SNX29: variants seen among roughly 807,000 people sequenced by gnomAD.
The protein encoded by SNX29 is sorting nexin-29.
Under a neutral mutation model 102.1 loss-of-function variants are expected in SNX29, and 78 were observed. The observed-to-expected ratio is 0.76, with a 90% confidence interval of 0.64 to 0.92. SNX29 has a LOEUF of 0.92. SNX29 is among the 40% of genes least tolerant of loss of function. The pLI, the probability that SNX29 is intolerant of heterozygous loss-of-function variation, is 0.00. For missense variants in SNX29, 1,280 were observed against 1,061.7 expected, an observed-to-expected ratio of 1.21 and a Z score of -2.86; for synonymous variants, 580 against 414.5, an observed-to-expected ratio of 1.40 and a Z score of -4.85.
chr16:12,561,371 G>A (rs776891621), intron 20 of SNX29, among the ~76,000 whole-genome samples: 10 of 152,132 alleles, frequency 6.6e-5, no homozygotes, highest in Non-Finnish European at 1.2e-4. Context: ...GAGCTAGGTC[G>A]TGGAAGATGC....
chr16:12,541,467 G>C, intron 20 of SNX29, among the ~76,000 whole-genome samples: 1 of 152,156 alleles, frequency 6.6e-6, no homozygotes, highest in East Asian at 1.9e-4. Flanking sequence ...AGTGCTTGAT[G>C]GAGCCAGGAT....
At chr16:12,523,788 C>A (rs2090190511) in intron 19 of SNX29, among the ~76,000 whole-genome samples, 1 of 152,204 alleles carries the variant, frequency 6.6e-6, no homozygotes, top group Non-Finnish European at 1.5e-5. Flanking sequence ...GTGGAAACTG[C>A]TCAGACCTGG....
At chr16:12,371,414 C>G (rs949256885) in intron 16 of SNX29, among the ~76,000 whole-genome samples, 4 of 152,160 alleles carry the variant, frequency 2.6e-5, no homozygotes, top group Non-Finnish European at 5.9e-5. Flanking sequence ...CCTTGCACTT[C>G]AGGCTCCGGA....
At chr16:11,984,966 T>A (rs572468245) in intron 1 of SNX29, among the ~76,000 whole-genome samples, 1 of 152,278 alleles carries the variant, frequency 6.6e-6, no homozygotes, top group African/African-American at 2.4e-5. Flanking sequence ...TCCTTCTTTC[T>A]TTTTTGTTTC....
At chr16:12,380,639 C>G (rs1377278783) in intron 16 of SNX29, among the ~76,000 whole-genome samples, 1 of 122,546 alleles carries the variant, frequency 8.2e-6, no homozygotes, top group Non-Finnish European at 1.7e-5. Flanking sequence ...CACCATCCAT[C>G]CATCCACCCA....
intron 13 of SNX29, among the ~76,000 whole-genome samples, chr16:12,179,118 C>T (rs1010235593): frequency 3.3e-5 from 5 of 151,990 alleles, no homozygotes; most frequent in Admixed American, 6.5e-5. Context: ...ATATATATTC[C>T]TATGTGTAGA....
chr16:12,061,478 C>T (rs777935970), intron 8 of SNX29, 50 bp from the exon 9 acceptor site: 17 of 1,464,098 alleles, frequency 1.2e-5, no homozygotes, highest in South Asian at 9.7e-5. Context: ...GTGAGTCATG[C>T]GGCCTGTGGG....
chr16:12,093,123 C>G (rs553527981), intron 11 of SNX29, among the ~76,000 whole-genome samples: 1 of 152,206 alleles, frequency 6.6e-6, no homozygotes, highest in Non-Finnish European at 1.5e-5. Context: ...GGTTTTAATT[C>G]TGAGTGGCCA....
At chr16:12,038,819 C>G (rs538359504) in intron 4 of SNX29, 2 of 152,200 alleles carry the variant, frequency 1.3e-5, no homozygotes, top group South Asian at 2.1e-4. Context: ...ATGTGATGGA[C>G]GTACCGACAA....
At chr16:12,255,740 A>G (rs1035587991) in intron 14 of SNX29, among the ~76,000 whole-genome samples, 1 of 152,146 alleles carries the variant, frequency 6.6e-6, no homozygotes, top group Non-Finnish European at 1.5e-5. Context: ...GTAGCTTTCC[A>G]TTGTGTATAT....
chr16:12,290,656 CTG>C (rs1449853233), intron 15 of SNX29, among the ~76,000 whole-genome samples: 1 of 152,188 alleles, frequency 6.6e-6, no homozygotes, highest in African/African-American at 2.4e-5. Flanking sequence ...TTATCAAGGT[CTG>C]TCTCATTTTT....
In SNX29 at chr16:12,398,430, C is replaced by T. The variant is rs2083798430; in HGVS notation, c.1900-16C>T. 6.2e-7 allele frequency: 1 copy of T among 1,613,966 alleles called. No individual in the cohort carries two copies. The highest frequency in any genetic ancestry group is 8.5e-7 in the Non-Finnish European group (1 of 1,179,804). On this transcript the variant is annotated splice_polypyrimidine_tract_variant and intron_variant, in intron 16 of 20. Transcript: ENST00000566228. ...TATGCATTTTTTCTCCCCTCTCCCCCTTCTCCTGATGGTAGGTGCCTGGAG... is the reference window on the plus strand; with the variant it reads ...TATGCATTTTTTCTCCCCTCTCCCCTTTCTCCTGATGGTAGGTGCCTGGAG...
intron 20 of SNX29, among the ~76,000 whole-genome samples, chr16:12,566,667 C>T (rs1056064301): frequency 1.3e-5 from 2 of 149,134 alleles, no homozygotes; most frequent in African/African-American, 5.0e-5. Context: ...CTCTAAGGAG[C>T]ATTCAGGGAT....
In SNX29 at chr16:12,536,130, G is replaced by A. The variant is rs77960052; in HGVS notation, c.2318+11289G>A. Among the ~76,000 whole-genome samples, 167 of 152,250 alleles carry A rather than the reference G, an allele frequency of 1.1e-3. 1 individual carries two copies. In the Middle Eastern group the frequency reaches 0.031, roughly 28 times the overall value. On this transcript the variant is annotated intron_variant, in intron 20 of 20. Transcript: ENST00000566228. ...GAAGGGTGAACACAGCCCAGCTTTG[G>A]TGCTGGCACTCGCCTGTGAGCGCAG...
chr16:12,384,702 T>C (rs1174882362), intron 16 of SNX29, among the ~76,000 whole-genome samples: 1 of 152,238 alleles, frequency 6.6e-6, no homozygotes, highest in Non-Finnish European at 1.5e-5. Flanking sequence ...TTCTTTGCTG[T>C]GCAGAAGCTT....
chr16:12,009,340 A>G (rs1405087124), intron 3 of SNX29, among the ~76,000 whole-genome samples: 1 of 152,072 alleles, frequency 6.6e-6, no homozygotes, highest in African/African-American at 2.4e-5. Context: ...TTTTGCCAAA[A>G]TACAAAATCC....
intron 14 of SNX29, among the ~76,000 whole-genome samples, chr16:12,277,613 C>T (rs1172945549): frequency 3.3e-5 from 5 of 152,054 alleles, no homozygotes; most frequent in African/African-American, 1.2e-4. Context: ...CTAGTTATGT[C>T]ACCTAGGCTG....
At chr16:12,126,862 G>GT (rs1199356469) in intron 12 of SNX29, among the ~76,000 whole-genome samples, 166 bp downstream of exon 12, 7 of 152,124 alleles carry the variant, frequency 4.6e-5, no homozygotes, top group East Asian at 1.9e-4. Context: ...CTTTACTGTG[G>GT]TATCTCTCTT....
intron 15 of SNX29, among the ~76,000 whole-genome samples, chr16:12,344,639 G>A (rs765713073): frequency 3.9e-5 from 6 of 152,238 alleles, no homozygotes; most frequent in African/African-American, 1.4e-4. Flanking sequence ...CACAAGGATG[G>A]GGCTTAGGGT....
Sources: gnomAD v4.1 joint callset for allele counts (sites outside exome capture counted in the v4.1 genomes callset) on GRCh38, gnomAD v4.1.1 for gene constraint, MANE v1.5 for transcripts, NCBI Gene and HGNC (gene_info 2026-07-23, HGNC 2026-07-21) for gene names.